Variants in FANCL observed in about 807,000 individuals in gnomAD.
FANCL encodes the protein FA complementation group L.
In FANCL, 69 loss-of-function variants were observed where a neutral mutation model predicts 59.4. The observed-to-expected ratio is 1.16, with a 90% confidence interval of 0.96 to 1.42. The LOEUF (loss-of-function observed/expected upper bound fraction) is 1.42, where lower values mean the gene tolerates loss of function less well. FANCL is among the 40% of genes most tolerant of loss of function. The probability of loss-of-function intolerance (pLI) is 0.00; values close to 1 mark genes in which losing one functional copy is unlikely to be tolerated. For missense variants in FANCL, 519 were observed against 447.2 expected, an observed-to-expected ratio of 1.16 and a Z score of -1.45; for synonymous variants, 180 against 147.1, an observed-to-expected ratio of 1.22 and a Z score of -1.62.
intron 1 of FANCL, among the ~76,000 whole-genome samples, chr2:58,236,172 C>T (rs187503529): frequency 1.3e-5 from 2 of 151,644 alleles, no homozygotes; most frequent in Non-Finnish European, 2.9e-5. Context: ...ATGAAAAAAG[C>T]TACACCAAGG....
intron 7 of FANCL, among the ~76,000 whole-genome samples, chr2:58,186,286 T>C (rs999316311): frequency 6.6e-6 from 1 of 152,148 alleles, no homozygotes; most frequent in African/African-American, 2.4e-5. Flanking sequence ...TTTAAGAAGG[T>C]AAATTTCTGG....
intron 3 of FANCL, among the ~76,000 whole-genome samples, chr2:58,229,244 AATTAT>A (rs1483434753): frequency 6.6e-6 from 1 of 152,310 alleles, no homozygotes; most frequent in Non-Finnish European, 1.5e-5. Context: ...CTAAAAGAAG[AATTAT>A]ATTATGTCAT....
At chr2:58,227,266 G>C (rs1359246264) in intron 3 of FANCL, among the ~76,000 whole-genome samples, 1 of 152,150 alleles carries the variant, frequency 6.6e-6, no homozygotes, top group Non-Finnish European at 1.5e-5. Context: ...TTTTAGTTTA[G>C]CCATCCATAG....
At chr2:58,203,156 A>G (rs1407058029) in intron 6 of FANCL, among the ~76,000 whole-genome samples, 1 of 151,884 alleles carries the variant, frequency 6.6e-6, no homozygotes, top group Non-Finnish European at 1.5e-5. Context: ...AAGACTTATC[A>G]CATATGGATC....
In FANCL at chr2:58,165,891, A is replaced by T; in HGVS notation, c.541-17T>A. The T allele has an allele frequency of 6.2e-7, 1 of 1,611,710 alleles. No homozygotes were observed. Among genetic ancestry groups the T allele is most frequent in the Non-Finnish European group, 8.5e-7 (1 of 1,177,928 alleles). ...TAAGGAGCTCTGTGAAAAAAATGAA[A>T]GTTGAATAAGTTATATGGTACTCTA... is the stretch of plus-strand genomic sequence containing the variant. On this transcript the variant is annotated splice_polypyrimidine_tract_variant and intron_variant, in intron 7 of 13. Transcript: ENST00000233741.
intron 1 of FANCL, among the ~76,000 whole-genome samples, chr2:58,236,434 T>A (rs1367602939): frequency 6.6e-6 from 1 of 151,308 alleles, no homozygotes; most frequent in Non-Finnish European, 1.5e-5. Flanking sequence ...AGATTTAATA[T>A]GTATATTATA....
chr2:58,180,238 T>C (rs910459196), intron 7 of FANCL, among the ~76,000 whole-genome samples: 1 of 152,158 alleles, frequency 6.6e-6, no homozygotes, highest in Non-Finnish European at 1.5e-5. Flanking sequence ...ACCCAAAGAA[T>C]TATAAATCAT....
intron 7 of FANCL, among the ~76,000 whole-genome samples, chr2:58,196,907 G>A (rs1689484332): frequency 6.6e-6 from 1 of 151,496 alleles, no homozygotes; most frequent in South Asian, 2.1e-4. Flanking sequence ...AAAACATCAA[G>A]ATTGAACTTC....
intron 4 of FANCL, among the ~76,000 whole-genome samples, chr2:58,224,291 GATAAA>G (rs1692758063): frequency 4.0e-5 from 6 of 151,690 alleles, no homozygotes; most frequent in Admixed American, 3.9e-4. Context: ...ATAATAAAAA[GATAAA>G]ATAAATGTTG....
chr2:58,161,174 C>A (rs981066643), intron 12 of FANCL, among the ~76,000 whole-genome samples: 4 of 152,102 alleles, frequency 2.6e-5, no homozygotes, highest in Admixed American at 1.3e-4. Context: ...CTTTCAACCA[C>A]CTCCACCTCG....
intron 5 of FANCL, among the ~76,000 whole-genome samples, chr2:58,206,206 A>G (rs529222793): frequency 6.6e-6 from 1 of 152,254 alleles, no homozygotes; most frequent in Non-Finnish European, 1.5e-5. Flanking sequence ...TTTAAGAAAC[A>G]GTAAAGCTAA....
At chr2:58,219,157 A>T (rs1692163959) in intron 5 of FANCL, among the ~76,000 whole-genome samples, 2 of 94,346 alleles carry the variant, frequency 2.1e-5, no homozygotes, top group African/African-American at 6.2e-5. Context: ...AAAAAAAAAA[A>T]AAAAAAAAAA....
chr2:58,172,712 CTCTA>C (rs747310464), intron 7 of FANCL, among the ~76,000 whole-genome samples: 6 of 152,146 alleles, frequency 3.9e-5, no homozygotes, highest in Non-Finnish European at 8.8e-5. Flanking sequence ...AAACTGGAAA[CTCTA>C]AAAAGCAGAG....
intron 6 of FANCL, among the ~76,000 whole-genome samples, chr2:58,203,292 T>C (rs1249457613): frequency 1.3e-5 from 2 of 151,850 alleles, no homozygotes; most frequent in Non-Finnish European, 2.9e-5. Context: ...AGATATTAAT[T>C]TTCTCTTGTG....
At chr2:58,196,960 G>A (rs1689492397) in intron 7 of FANCL, among the ~76,000 whole-genome samples, 1 of 150,686 alleles carries the variant, frequency 6.6e-6, no homozygotes, top group African/African-American at 2.4e-5. Context: ...AAGGGACATG[G>A]GTCTCATGAA....
intron 3 of FANCL, among the ~76,000 whole-genome samples, chr2:58,228,370 G>A (rs1345477228): frequency 6.6e-6 from 1 of 152,118 alleles, no homozygotes; most frequent in Non-Finnish European, 1.5e-5. Context: ...GCTTTGAGTG[G>A]GTCTGTGTAG....
In FANCL at chr2:58,232,035, T is replaced by C; in HGVS notation, c.155+19A>G. 1.9e-6 allele frequency: 3 copies of C among 1,610,154 alleles called. No homozygotes were observed. Among genetic ancestry groups the C allele is most frequent in the African/African-American group, 1.3e-5 (1 of 74,958 alleles). ...ACCAAAATGCAAAAATGCACGTTTA[T>C]AACTAAACACCATATCACCTTGCAT... On this transcript the variant is annotated intron_variant, in intron 2 of 13. Coordinates refer to ENST00000233741, the MANE Select transcript of FANCL (RefSeq NM_018062.4).
intron 1 of FANCL, 88 bp downstream of exon 1, chr2:58,241,130 C>G: frequency 7.1e-7 from 1 of 1,407,980 alleles, no homozygotes; most frequent in Non-Finnish European, 1.0e-6. Context: ...AAGTCTGGGC[C>G]CCTAACCTCC....
chr2:58,206,433 C>G (rs1690590695), intron 5 of FANCL, among the ~76,000 whole-genome samples: 2 of 151,924 alleles, frequency 1.3e-5, no homozygotes, highest in Admixed American at 1.3e-4. Flanking sequence ...CTTTATAAGC[C>G]TTAAATAGTT....
Sources: allele counts gnomAD v4.1 joint callset (sites outside exome capture counted in the v4.1 genomes callset), GRCh38; gene constraint gnomAD v4.1.1; transcripts MANE v1.5; gene names NCBI Gene and HGNC (gene_info 2026-07-23, HGNC 2026-07-21).